DSC1: variants seen among roughly 807,000 people sequenced by gnomAD.
DSC1 encodes the protein desmocollin-1.
Under a neutral mutation model 98.8 loss-of-function variants are expected in DSC1, and 79 were observed. The ratio of observed to expected loss-of-function variants is 0.80; its 90% CI spans 0.67 to 0.96. DSC1 has a LOEUF of 0.96. Among genes scored for constraint, DSC1 ranks in the 50% least tolerant of loss-of-function variants. The pLI is 0.00. For missense variants in DSC1, 1,115 were observed against 1,075.9 expected (o/e 1.04, Z -0.51); for synonymous variants, 405 against 372.1 (o/e 1.09, Z -1.02).
intron 7 of DSC1, among the ~76,000 whole-genome samples, chr18:31,145,125 G>A (rs1988819651): frequency 6.6e-6 from 1 of 151,544 alleles, no homozygotes; most frequent in African/African-American, 2.4e-5. Flanking sequence ...GATTTTTTTG[G>A]TAGAGACGGC....
intron 9 of DSC1, 85 bp from the exon 10 acceptor site, chr18:31,140,386 C>A (rs1207548462): frequency 4.5e-5 from 61 of 1,350,640 alleles, no homozygotes; most frequent in Non-Finnish European, 5.9e-5. Flanking sequence ...AAAGGAATAT[C>A]ATTTTTACAT....
intron 8 of DSC1, 118 bp downstream of exon 8, chr18:31,143,539 G>A (rs1988780464): frequency 3.0e-6 from 2 of 669,998 alleles, no homozygotes; most frequent in Non-Finnish European, 2.3e-6. Context: ...TTATTTGTAA[G>A]TAGTAGTTAT....
chr18:31,143,646 G>T lies in DSC1; in HGVS notation c.1074+11C>A, dbSNP rs192069109. 1.3e-6 allele frequency: 2 copies of T among 1,562,472 alleles called. No homozygotes were observed. Among genetic ancestry groups the T allele is most frequent in the Non-Finnish European group, 1.7e-6 (2 of 1,155,096 alleles). The stretch of plus-strand genomic sequence containing the variant: ...ATAAATCTAGATGAATGAATAGAGA[G>T]GTATACTCACAGAAGTTTCTGTGAA... On this transcript the variant is annotated intron_variant, in intron 8 of 15. Transcript: ENST00000257198.
rs60591390 is a variant in DSC1, at chr18:31,132,569, G to A, written c.2237C>T (p.Thr746Met). The change falls in exon 14 of 16, where the codon ACG (threonine) becomes ATG (methionine). Residue 746 changes from threonine to methionine, a missense_variant and splice_region_variant. Physicochemically the swap from Thr to Met is moderately conservative, Grantham distance 81. Coordinates refer to ENST00000257198, the MANE Select transcript of DSC1 (RefSeq NM_024421.2). ...AAAGGGATGTGAAATCTGATTTACC[G>A]TTACTTCTTCTCCAGGTCCTTCAGT... ...SNTEGPGEEVTEANIRLPMQT... is the reference protein window; with the variant it reads ...SNTEGPGEEVMEANIRLPMQT... 1,358 of 1,612,748 alleles carry A rather than the reference G, an allele frequency of 8.4e-4. 9 individuals carry two copies. The African/African-American group carries it at 0.015, about 18-fold the overall frequency.
chr18:31,152,798 T>C (rs547100676), intron 5 of DSC1, among the ~76,000 whole-genome samples: 1 of 152,122 alleles, frequency 6.6e-6, no homozygotes, highest in Admixed American at 6.6e-5. Context: ...TATTAAAGTA[T>C]ATTACGTTAA....
At chr18:31,150,234 T>TTAC (rs1988943200) in intron 5 of DSC1, among the ~76,000 whole-genome samples, 5 of 113,852 alleles carry the variant, frequency 4.4e-5, no homozygotes, top group Admixed American at 8.8e-5. Flanking sequence ...ACTACCACCA[T>TTAC]CATCACCACC....
chr18:31,162,699 C>T lies in DSC1; in HGVS notation c.-105G>A, dbSNP rs1989233599. On this transcript the variant is annotated 5_prime_UTR_variant, in exon 1 of 16. Transcript: ENST00000257198. ...GGCACTTGCACAGGGTATTCTGCTG[C>T]CACCTTGATGCAGCTGAGCTTGGTT... 5.3e-6 allele frequency: 5 copies of T among 946,050 alleles called. No individual in the cohort carries two copies. Among genetic ancestry groups the T allele is most frequent in the Admixed American group, 4.0e-5 (2 of 49,964 alleles). The allele number at this position is 946,050 out of a possible 1,614,324, so 58.6% of individuals were successfully genotyped here. A position where few individuals can be genotyped will look rare whatever the true frequency, so the allele number is the denominator to read the frequency against.
chr18:31,132,561 G>GTA lies in DSC1; in HGVS notation c.2238+6_2238+7insTA. 1 of 1,612,636 alleles carries GTA rather than the reference G, an allele frequency of 6.2e-7. No individual in the cohort carries two copies. Among genetic ancestry groups the GTA allele is most frequent in the Non-Finnish European group, 8.5e-7 (1 of 1,179,184 alleles). ...TACAATTCAAAGGGATGTGAAATCT[G>GTA]ATTTACCGTTACTTCTTCTCCAGGT... On this transcript the variant is annotated splice_region_variant and intron_variant, in intron 14 of 15. Coordinates refer to ENST00000257198, the MANE Select transcript of DSC1 (RefSeq NM_024421.2).
At chr18:31,138,558 C>T (rs976868821) in intron 11 of DSC1, among the ~76,000 whole-genome samples, 9 of 151,428 alleles carry the variant, frequency 5.9e-5, no homozygotes, top group African/African-American at 2.4e-5. Context: ...GTCTTCTTTG[C>T]CAACATAGAA....
rs1187673970 is a variant in DSC1, at chr18:31,130,313, A to C, written c.*201T>G. On this transcript the variant is annotated 3_prime_UTR_variant, in exon 16 of 16. Transcript: ENST00000257198. ...ACATGCATATAAAAGAGAATTAACA[A>C]ACAAAACCTTGATTTCTAGAGAACA... 1.6e-6 allele frequency: 1 copy of C among 629,708 alleles called. No individual in the cohort carries two copies. Among genetic ancestry groups the C allele is most frequent in the African/African-American group, 1.8e-5 (1 of 54,332 alleles). The allele number at this position is 629,708 out of a possible 1,614,324, so 39.0% of individuals were successfully genotyped here.
intron 13 of DSC1, 28 bp from the exon 14 acceptor site, chr18:31,132,717 A>C (rs780919503): frequency 6.3e-7 from 1 of 1,597,524 alleles, no homozygotes; most frequent in South Asian, 1.1e-5. Flanking sequence ...TCAAAGTAAA[A>C]CACAGACATT....
intron 9 of DSC1, among the ~76,000 whole-genome samples, chr18:31,141,696 GA>G (rs1324624583): frequency 2.6e-5 from 4 of 151,994 alleles, no homozygotes; most frequent in Non-Finnish European, 5.9e-5. Context: ...TTATAAAAAA[GA>G]AATGTGGACA....
chr18:31,152,093 C>T (rs770811495), intron 5 of DSC1, among the ~76,000 whole-genome samples: 19 of 151,602 alleles, frequency 1.3e-4, no homozygotes, highest in Non-Finnish European at 2.5e-4. Context: ...ACTCAGAAGG[C>T]AGAGGTTGCA....
At chr18:31,150,991 A>G (rs1391664288) in intron 5 of DSC1, 1 of 152,206 alleles carries the variant, frequency 6.6e-6, no homozygotes, top group East Asian at 1.9e-4. Flanking sequence ...ATTGTCATAA[A>G]GATTCTATTG....
At position 31,154,818 on chromosome 18, in the gene DSC1, A is replaced by G. The variant is rs759088569; in HGVS notation, c.583T>C (p.Phe195Leu). 6.2e-7 allele frequency: 1 copy of G among 1,614,000 alleles called. No individual in the cohort carries two copies. The highest frequency in any genetic ancestry group is 8.5e-7 in the Non-Finnish European group (1 of 1,179,930). The change falls in exon 5 of 16, where the codon TTT (phenylalanine) becomes CTT (leucine). Residue 195 changes from phenylalanine (F) to leucine (L), a missense_variant. Physicochemically the swap from Phe to Leu is conservative, Grantham distance 22. Transcript: ENST00000257198. ...FYIEKDTGDI[F>L]CTRSIDREKY... is the part of the protein sequence containing the mutation. ...TCACGGTCAATGCTCCTTGTACAAA[A>G]GATATCCCCAGTGTCTTTCTCTATG...
intron 2 of DSC1, among the ~76,000 whole-genome samples, chr18:31,158,270 A>G (rs185158513): frequency 6.6e-6 from 1 of 152,210 alleles, no homozygotes; most frequent in African/African-American, 2.4e-5. Flanking sequence ...TTGTCTCTAA[A>G]TAAATAAATA....
intron 2 of DSC1, among the ~76,000 whole-genome samples, chr18:31,158,315 C>T (rs1193775625): frequency 6.6e-6 from 1 of 152,046 alleles, no homozygotes; most frequent in Non-Finnish European, 1.5e-5. Context: ...GTAATATTTC[C>T]CAGTAATATT....
chr18:31,161,198 TA>T (rs1014367532), intron 1 of DSC1, among the ~76,000 whole-genome samples: 3 of 152,068 alleles, frequency 2.0e-5, no homozygotes, highest in African/African-American at 7.2e-5. Context: ...CATTTTTAGA[TA>T]TAGAAAAAGT....
Position 31,157,358 on chromosome 18 carries a change from C to A in DSC1, c.351+13G>T. On this transcript the variant is annotated intron_variant, in intron 3 of 15. Coordinates refer to ENST00000257198, the MANE Select transcript of DSC1 (RefSeq NM_024421.2). The stretch of plus-strand genomic sequence containing the variant: ...TATTACTGTGCTAGGCTGCTTAAGC[C>A]CTTGCCTTATACCTTGTTTTCTCTT... 2 of 1,613,726 alleles carry A rather than the reference C, an allele frequency of 1.2e-6. No homozygotes were observed. The highest frequency in any genetic ancestry group is 1.7e-6 in the Non-Finnish European group (2 of 1,179,802).
Sources: allele counts gnomAD v4.1 joint callset (sites outside exome capture counted in the v4.1 genomes callset), GRCh38; gene constraint gnomAD v4.1.1; transcripts MANE v1.5; gene names NCBI Gene and HGNC (gene_info 2026-07-23, HGNC 2026-07-21).